Variants in VCAM1 observed in about 807,000 individuals in gnomAD.
The protein encoded by VCAM1 is vascular cell adhesion molecule 1, also known as vascular cell adhesion protein 1.
A neutral mutation model predicts 63.8 loss-of-function variants in VCAM1; 41 were observed. The observed-to-expected ratio is 0.64, with a 90% CI of 0.50 to 0.83. VCAM1 has a LOEUF of 0.83. VCAM1 is among the 40% of genes least tolerant of loss of function. The probability of loss-of-function intolerance (pLI) is 0.00; values close to 1 mark genes in which losing one functional copy is unlikely to be tolerated. For missense variants in VCAM1, 798 were observed against 875.5 expected (o/e 0.91, Z 1.12); for synonymous variants, 338 against 320.7 (o/e 1.05, Z -0.58).
intron 5 of VCAM1, among the ~76,000 whole-genome samples, chr1:100,730,628 T>C (rs1352897696): frequency 6.6e-6 from 1 of 152,144 alleles, no homozygotes; most frequent in African/African-American, 2.4e-5. Context: ...CACAGCTCTG[T>C]AAAACCAAAG....
chr1:100,732,326 C>A, intron 6 of VCAM1, 92 bp from the exon 7 acceptor site: 1 of 1,353,414 alleles, frequency 7.4e-7, no homozygotes, highest in Non-Finnish European at 9.9e-7. Context: ...TTTGAGTCTG[C>A]TGAATCCATA....
chr1:100,720,539 T>G lies in VCAM1; in HGVS notation c.128T>G (p.Val43Gly). ...TATCTTGCTCAGATTGGTGACTCCG[T>G]CTCATTGACTTGCAGCACCACAGGC... ...SRYLAQIGDS[V>G]SLTCSTTGCE... Residue 43 changes from valine to glycine, a missense_variant, in exon 2 of 9, where the codon GTC becomes GGC. Physicochemically the swap from Val to Gly is moderately radical, Grantham distance 109. Transcript: ENST00000294728. 3 of 1,613,326 alleles carry G rather than the reference T, an allele frequency of 1.9e-6. No homozygotes were observed. In the East Asian group the frequency reaches 6.7e-5, roughly 36 times the overall value.
rs1659890156 is a variant in VCAM1, at chr1:100,719,874, T to C, written c.14T>C (p.Met5Thr). 1 of 1,611,542 alleles carries C rather than the reference T, an allele frequency of 6.2e-7. No homozygotes were observed. Among genetic ancestry groups the C allele is most frequent in the Non-Finnish European group, 8.5e-7 (1 of 1,178,378 alleles). ...CAGCAACTTAAAATGCCTGGGAAGATGGTCGTGATCCTTGGAGCCTCAAAT... is the reference window on the plus strand; with the variant it reads ...CAGCAACTTAAAATGCCTGGGAAGACGGTCGTGATCCTTGGAGCCTCAAAT... MPGKMVVILGASNIL... is the reference protein window; with the variant it reads MPGKTVVILGASNIL... The change falls in exon 1 of 9, where the codon ATG becomes ACG. Residue 5 changes from methionine to threonine, a missense_variant. Coordinates refer to ENST00000294728, the MANE Select transcript of VCAM1 (RefSeq NM_001078.4).
chr1:100,732,695 T>C lies in VCAM1; in HGVS notation c.1792+11T>C. The C allele has an allele frequency of 6.4e-7, 1 of 1,566,148 alleles. No individual in the cohort carries two copies. The highest frequency in any genetic ancestry group is 1.2e-5 in the South Asian group (1 of 81,790). On this transcript the variant is annotated intron_variant, in intron 7 of 8. Transcript: ENST00000294728. Reference sequence around the variant, plus strand: ...AATTAATTATCCAAGGTGAGCAGAGTGTGAGTAATGAGTTATCCTTGCTAG... The same window carrying C: ...AATTAATTATCCAAGGTGAGCAGAGCGTGAGTAATGAGTTATCCTTGCTAG...
intron 8 of VCAM1, 114 bp downstream of exon 8, chr1:100,734,882 C>T: frequency 1.5e-6 from 2 of 1,300,872 alleles, no homozygotes; most frequent in Non-Finnish European, 2.1e-6. Flanking sequence ...TGGTTTATTT[C>T]TTAAGGATTC....
At chr1:100,724,522 C>T in intron 3 of VCAM1, 102 bp from the exon 4 acceptor site, 2 of 1,368,164 alleles carry the variant, frequency 1.5e-6, no homozygotes, top group Non-Finnish European at 2.0e-6. Context: ...AGAGTAATTT[C>T]ATCAAATTGG....
intron 7 of VCAM1, 104 bp downstream of exon 7, chr1:100,732,788 G>C (rs1216143976): frequency 7.7e-7 from 1 of 1,292,408 alleles, no homozygotes; most frequent in Admixed American, 2.7e-5. Flanking sequence ...CTACAAAAGT[G>C]TGATGAGGGT....
At chr1:100,728,275 G>A (rs1660249490) in intron 4 of VCAM1, among the ~76,000 whole-genome samples, 1 of 152,054 alleles carries the variant, frequency 6.6e-6, no homozygotes, top group East Asian at 1.9e-4. Context: ...AAATTTTGGA[G>A]GTGACTTATG....
chr1:100,729,684 C>G (rs1660360206), intron 5 of VCAM1, among the ~76,000 whole-genome samples: 1 of 152,072 alleles, frequency 6.6e-6, no homozygotes, highest in Non-Finnish European at 1.5e-5. Context: ...AGTGCCCATT[C>G]AGAGGACTGG....
chr1:100,731,109 T>A lies in VCAM1; in HGVS notation c.1205-89T>A. On this transcript the variant is annotated intron_variant, in intron 5 of 8. Coordinates refer to ENST00000294728, the MANE Select transcript of VCAM1 (RefSeq NM_001078.4). This position sits in a 1 kb window ranked among gnomAD's most constrained non-coding sequence, Gnocchi z 4.2. The stretch of plus-strand genomic sequence containing the variant: ...TTCTATCCCAGGTGACTTAAAGCTG[T>A]CATTTTTAGGCCTTTACATTTAATA... 1 of 1,329,478 alleles carries A rather than the reference T, an allele frequency of 7.5e-7. No homozygotes were observed. The highest frequency in any genetic ancestry group is 1.0e-6 in the Non-Finnish European group (1 of 984,942). The allele number at this position is 1,329,478 out of a possible 1,614,324, so 82.4% of individuals were successfully genotyped here.
In VCAM1 at chr1:100,732,683, A is replaced by G. The variant is rs1660504712; in HGVS notation, c.1791A>G (p.Gln597=). The change falls in exon 7 of 9, where the codon CAA becomes CAG. Residue 597 remains glutamine (Q), a splice_region_variant and synonymous_variant. Coordinates refer to ENST00000294728, the MANE Select transcript of VCAM1 (RefSeq NM_001078.4). ...GAAAGGAAGTGGAATTAATTATCCA[A>G]GGTGAGCAGAGTGTGAGTAATGAGT... ...RSRKEVELII[Q]VTPKDIKLTA... 2.5e-6 allele frequency: 4 copies of G among 1,586,104 alleles called. No homozygotes were observed. The highest frequency in any genetic ancestry group is 3.4e-6 in the Non-Finnish European group (4 of 1,168,202).
At position 100,723,127 on chromosome 1, in the gene VCAM1, A is replaced by T. The variant is rs147446410; in HGVS notation, c.448A>T (p.Ile150Leu). The T allele has an allele frequency of 2.1e-4, 341 of 1,613,098 alleles. 2 individuals carry two copies. The East Asian group carries it at 6.9e-3, about 33-fold the overall frequency. ...ADVYPFDRLE[I>L]DLLKGDHLMK... ...TGTATACCCATTTGACAGGCTGGAG[A>T]TAGACTTACTGAAAGGAGATCATCT... Residue 150 changes from isoleucine to leucine, a missense_variant, in exon 3 of 9, where the codon ATA becomes TTA. Coordinates refer to ENST00000294728, the MANE Select transcript of VCAM1 (RefSeq NM_001078.4).
intron 4 of VCAM1, 121 bp from the exon 5 acceptor site, chr1:100,728,983 TTTC>T: frequency 8.4e-7 from 1 of 1,190,562 alleles, no homozygotes. Context: ...AAAAGAGTAA[TTTC>T]TTCTTGGCAT....
chr1:100,733,357 G>T (rs1227989467), intron 7 of VCAM1, among the ~76,000 whole-genome samples: 1 of 152,082 alleles, frequency 6.6e-6, no homozygotes, highest in Non-Finnish European at 1.5e-5. Flanking sequence ...GGGTATCAGG[G>T]TTCTTTTCTT....
chr1:100,726,897 C>CA lies in VCAM1; in HGVS notation c.928+2009dup. On this transcript the variant is annotated intron_variant, in intron 4 of 8. Coordinates refer to ENST00000294728, the MANE Select transcript of VCAM1 (RefSeq NM_001078.4). ...AATTCCTGCTCCGGGCACAATGGCT[C>CA]AAGCCTATAATCCCAGCACTTTGGG... 1.3e-5 allele frequency among the ~76,000 whole-genome samples: 2 copies of CA among 152,204 alleles called. 1 individual carries two copies. Among genetic ancestry groups the CA allele is most frequent in the Non-Finnish European group, 2.9e-5 (2 of 67,984 alleles).
chr1:100,727,965 C>A (rs1660235300), intron 4 of VCAM1, among the ~76,000 whole-genome samples: 1 of 151,978 alleles, frequency 6.6e-6, no homozygotes, highest in Admixed American at 6.6e-5. Flanking sequence ...ATTGAGATTT[C>A]TTTCTTTTAC....
intron 4 of VCAM1, 97 bp from the exon 5 acceptor site, chr1:100,729,010 A>G: frequency 2.2e-6 from 3 of 1,357,372 alleles, no homozygotes; most frequent in Non-Finnish European, 2.9e-6. Flanking sequence ...TATTAGCTGA[A>G]AGGAGATCAG....
chr1:100,733,427 A>T (rs948574453), intron 7 of VCAM1, among the ~76,000 whole-genome samples: 1 of 152,188 alleles, frequency 6.6e-6, no homozygotes, highest in Non-Finnish European at 1.5e-5. Context: ...GATATTAGTG[A>T]CTTTCTTGTT....
chr1:100,730,432 G>T (rs1368662373), intron 5 of VCAM1, among the ~76,000 whole-genome samples: 2 of 152,042 alleles, frequency 1.3e-5, no homozygotes, highest in Non-Finnish European at 2.9e-5. Context: ...CATTATTCTT[G>T]CCCTTGATAG....
Sources: gnomAD v4.1 joint callset for allele counts (sites outside exome capture counted in the v4.1 genomes callset) on GRCh38, gnomAD v4.1.1 for gene constraint, Gnocchi (gnomAD v3.1) non-coding constraint, MANE v1.5 for transcripts, NCBI Gene and HGNC (gene_info 2026-07-23, HGNC 2026-07-21) for gene names.